DRD1: variants seen among roughly 807,000 people sequenced by gnomAD.
DRD1 encodes the protein D(1A) dopamine receptor.
A neutral mutation model predicts 23.8 loss-of-function variants in DRD1; 2 were observed. That is an observed-to-expected ratio of 0.08 (90% CI 0.03 to 0.26). The LOEUF (loss-of-function observed/expected upper bound fraction) is 0.26. Among genes scored for constraint, DRD1 ranks in the 10% least tolerant of loss-of-function variants. The pLI is 1.00. For synonymous variants in DRD1, 218 were observed against 225.7 expected, an observed-to-expected ratio of 0.97 and a Z score of 0.30; for missense variants, 376 against 559.0, an observed-to-expected ratio of 0.67 and a Z score of 3.30.
chr5:175,443,987 G>A lies in DRD1; in HGVS notation c.-772C>T, dbSNP rs189073284. 50 of 152,580 alleles carry A rather than the reference G, an allele frequency of 3.3e-4. No individual in the cohort carries two copies. Among genetic ancestry groups the A allele is most frequent in the African/African-American group, 1.2e-3 (49 of 41,596 alleles). The allele number at this position is 152,580 out of a possible 1,614,324, so 9.5% of individuals were successfully genotyped here. The stretch of plus-strand genomic sequence containing the variant: ...GGGCGCTCGGAGCTTCCTTGGGAGA[G>A]AGCACTCCCAGGACTGGTCACCTGG... On this transcript the variant is annotated 5_prime_UTR_variant, in exon 1 of 2. Transcript: ENST00000393752.
In DRD1 at chr5:175,441,632, G is replaced by T; in HGVS notation, c.*127C>A. The stretch of plus-strand genomic sequence containing the variant: ...TTGGAAACGGAGTTAATTGTGTGTT[G>T]GAAAGCAGCAGAGGGCTCTCCTGAC... On this transcript the variant is annotated 3_prime_UTR_variant, in exon 2 of 2. Coordinates refer to ENST00000393752, the MANE Select transcript of DRD1 (RefSeq NM_000794.5). The T allele has an allele frequency of 8.3e-7, 1 of 1,204,896 alleles. No individual in the cohort carries two copies. Among genetic ancestry groups the T allele is most frequent in the Non-Finnish European group, 1.1e-6 (1 of 873,376 alleles). The allele number at this position is 1,204,896 out of a possible 1,614,324, so 74.6% of individuals were successfully genotyped here.
Position 175,443,380 on chromosome 5 carries a change from A to C in DRD1, c.-281T>G, listed in dbSNP as rs938420509. On this transcript the variant is annotated 5_prime_UTR_variant, in exon 2 of 2. In the 5' UTR this introduces an upstream ATG that the reference lacks. Transcript: ENST00000393752. ...CACCAGAAAGCCCCTGAATTCCCCAAATAAAGCACTGGCTTTTTAGCATAT... is the reference window on the plus strand; with the variant it reads ...CACCAGAAAGCCCCTGAATTCCCCACATAAAGCACTGGCTTTTTAGCATAT... The C allele has an allele frequency of 4.2e-6, 2 of 481,734 alleles. No individual in the cohort carries two copies. Among genetic ancestry groups the C allele is most frequent in the African/African-American group, 3.9e-5 (2 of 51,828 alleles). The allele number at this position is 481,734 out of a possible 1,614,324, so 29.8% of individuals were successfully genotyped here.
rs1758571157 is a variant in DRD1 at position 175,444,029 on chromosome 5, G to C, written c.-814C>G. 6.6e-6 allele frequency: 1 copy of C among 152,488 alleles called. No individual in the cohort carries two copies. The highest frequency in any genetic ancestry group is 6.5e-5 in the Admixed American group (1 of 15,290). 9.4% of individuals were successfully genotyped at this position (152,488 alleles called of 1,614,324 possible). A position where few individuals can be genotyped will look rare whatever the true frequency, so the allele number is the denominator to read the frequency against. ...GTCACCTGGGCAGCTTCTTTTCTTG[G>C]CTTCCTTTCGAGAGCCCAGAGCCTT... On this transcript the variant is annotated 5_prime_UTR_variant, in exon 1 of 2. Transcript: ENST00000393752.
chr5:175,441,580 C>G lies in DRD1; in HGVS notation c.*179G>C. ...GTGTCCCTGTTTGATTGACTATGAA[C>G]AACACAGAAAATACACTGGAATGTA... On this transcript the variant is annotated 3_prime_UTR_variant, in exon 2 of 2. Coordinates refer to ENST00000393752, the MANE Select transcript of DRD1 (RefSeq NM_000794.5). 2 of 736,412 alleles carry G rather than the reference C, an allele frequency of 2.7e-6. No homozygotes were observed. Among genetic ancestry groups the G allele is most frequent in the Non-Finnish European group, 4.2e-6 (2 of 477,592 alleles). The allele number at this position is 736,412 out of a possible 1,614,324, so 45.6% of individuals were successfully genotyped here.
chr5:175,442,475 T>C lies in DRD1; in HGVS notation c.625A>G (p.Ile209Val). The C allele has an allele frequency of 6.2e-7, 1 of 1,614,208 alleles. No homozygotes were observed. Among genetic ancestry groups the C allele is most frequent in the Non-Finnish European group, 8.5e-7 (1 of 1,180,050 alleles). ...ATCCTGGTGTAGGTGACAATCATGA[T>C]GGCCACAGGGATGTAAAAGCTTATT... ...SVISFYIPVAIMIVTYTRIYR... is the reference protein window; with the variant it reads ...SVISFYIPVAVMIVTYTRIYR... The change falls in exon 2 of 2, where the codon ATC becomes GTC. Residue 209 changes from isoleucine (I) to valine (V), a missense_variant. Physicochemically the swap from Ile to Val is conservative, Grantham distance 29. This residue lies in a region of DRD1 where 121 missense variants were observed against 239.4 expected (regional missense o/e 0.51). Transcript: ENST00000393752. This position sits in a 1 kb window ranked among gnomAD's most constrained non-coding sequence, Gnocchi z 7.3.
At position 175,443,314 on chromosome 5, in the gene DRD1, ATC is replaced by A. The variant is rs1758558410; in HGVS notation, c.-217_-216del. On this transcript the variant is annotated 5_prime_UTR_variant, in exon 2 of 2. The change creates a new upstream start codon in the 5' untranslated region. Transcript: ENST00000393752. Reference sequence around the variant, plus strand: ...GTGGATGGTCACTCTTGATTTCTACATCTGTCTTCTGACTCCCTTGCTGCAGG... The same window carrying A: ...GTGGATGGTCACTCTTGATTTCTACATGTCTTCTGACTCCCTTGCTGCAGG... The A allele has an allele frequency of 3.2e-6, 2 of 623,964 alleles. No individual in the cohort carries two copies. The highest frequency in any genetic ancestry group is 2.3e-5 in the South Asian group (1 of 44,166). 38.7% of individuals were successfully genotyped at this position (623,964 alleles called of 1,614,324 possible).
chr5:175,441,211 C>G lies in DRD1; in HGVS notation c.*548G>C, dbSNP rs935872693. The G allele has an allele frequency of 6.6e-6, 1 of 151,688 alleles. No homozygotes were observed. The highest frequency in any genetic ancestry group is 2.4e-5 in the African/African-American group (1 of 41,308). The allele number at this position is 151,688 out of a possible 1,614,324, so 9.4% of individuals were successfully genotyped here. A position where few individuals can be genotyped will look rare whatever the true frequency, so the allele number is the denominator to read the frequency against. Reference sequence around the variant, plus strand: ...TTATTATATCATAAATTAAAAATATCCATATATACAATAAATAAATAGAAC... The same window carrying G: ...TTATTATATCATAAATTAAAAATATGCATATATACAATAAATAAATAGAAC... On this transcript the variant is annotated 3_prime_UTR_variant, in exon 2 of 2. Coordinates refer to ENST00000393752, the MANE Select transcript of DRD1 (RefSeq NM_000794.5).
In DRD1 at chr5:175,443,888, G is replaced by A. The variant is rs1194369953; in HGVS notation, c.-673C>T. 1 of 153,362 alleles carries A rather than the reference G, an allele frequency of 6.5e-6. No individual in the cohort carries two copies. The highest frequency in any genetic ancestry group is 6.5e-5 in the Admixed American group (1 of 15,302). The allele number at this position is 153,362 out of a possible 1,614,324, so 9.5% of individuals were successfully genotyped here. A position where few individuals can be genotyped will look rare whatever the true frequency, so the allele number is the denominator to read the frequency against. ...AAGGATCCCAGGCCAGGTCCCAAGA[G>A]AGGCGGCGGCAGCCCACTTCCTTGA... is the stretch of plus-strand genomic sequence containing the variant. On this transcript the variant is annotated 5_prime_UTR_variant, in exon 1 of 2. Transcript: ENST00000393752.
In DRD1 at chr5:175,442,820, A is replaced by G. The variant is rs1290223591; in HGVS notation, c.280T>C (p.Ser94Pro). Reference sequence around the variant, plus strand: ...AAGGCCACCCAGATGTTACAGAAGGACCCAAAGGGCCAGAAGCCAGCAATC... The same window carrying G: ...AAGGCCACCCAGATGTTACAGAAGGGCCCAAAGGGCCAGAAGCCAGCAATC... The part of the protein sequence containing the change: ...AEIAGFWPFG[S>P]FCNIWVAFDI... Residue 94 changes from serine to proline, a missense_variant, in exon 2 of 2, where the codon TCC (serine) becomes CCC (proline). By Grantham distance (74) the Ser-to-Pro change is moderately conservative. Coordinates refer to ENST00000393752, the MANE Select transcript of DRD1 (RefSeq NM_000794.5). The surrounding 1 kb of genome is among the most constrained non-coding windows in gnomAD (Gnocchi z 7.3). The G allele has an allele frequency of 6.2e-7, 1 of 1,614,098 alleles. No individual in the cohort carries two copies. The highest frequency in any genetic ancestry group is 8.5e-7 in the Non-Finnish European group (1 of 1,180,012).
rs1758548634 is a variant in DRD1, at chr5:175,442,926, C to T, written c.174G>A (p.Val58=). The change falls in exon 2 of 2, where the codon GTG becomes GTA. Residue 58 remains valine (V), a synonymous_variant. Transcript: ENST00000393752. The surrounding 1 kb of genome is among the most constrained non-coding windows in gnomAD (Gnocchi z 7.3). ...CCAAGGAGATGACAAAGAAGTTGGT[C>T]ACCTTGGACCGCAGGTGTCGGAACC... The part of the protein sequence containing the change: ...VIRFRHLRSK[V]TNFFVISLAV... 1.2e-6 allele frequency: 2 copies of T among 1,613,882 alleles called. No homozygotes were observed. The highest frequency in any genetic ancestry group is 1.1e-5 in the South Asian group (1 of 91,040).
In DRD1 at chr5:175,443,154, G is replaced by A; in HGVS notation, c.-55C>T. 2.6e-6 allele frequency: 4 copies of A among 1,562,072 alleles called. No homozygotes were observed. The South Asian group carries it at 3.7e-5, about 14-fold the overall frequency. On this transcript the variant is annotated 5_prime_UTR_variant, in exon 2 of 2. Coordinates refer to ENST00000393752, the MANE Select transcript of DRD1 (RefSeq NM_000794.5). ...TGACACCCCTCAAGTTCCCAAGCAG[G>A]GAATAGGGGTCAGTCAGATTTCCAG...
rs182759154 is a variant in DRD1 at position 175,441,763 on chromosome 5, G to T, written c.1337C>A (p.Thr446Asn). Residue 446 changes from threonine to asparagine, a missense_variant, in exon 2 of 2, where the codon ACC becomes AAC. Thr to Asn is a moderately conservative substitution (Grantham distance 65, BLOSUM62 0). This residue lies in a region of DRD1 where 117 missense variants were observed against 126.9 expected (regional missense o/e 0.92). Coordinates refer to ENST00000393752, the MANE Select transcript of DRD1 (RefSeq NM_000794.5). ...TGGCAGGATTCATCTGCGAGTTCAG[G>T]TTGGGTGCTGACCGTTTTGTGTGAT... ...QPITQNGQHP[T>N] The T allele has an allele frequency of 3.2e-6, 5 of 1,571,140 alleles. No homozygotes were observed. The highest frequency in any genetic ancestry group is 3.5e-6 in the Non-Finnish European group (4 of 1,157,228).
rs552619913 is a variant in DRD1, at chr5:175,443,916, A to T, written c.-701T>A. 6.5e-6 allele frequency: 1 copy of T among 152,876 alleles called. No individual in the cohort carries two copies. Among genetic ancestry groups the T allele is most frequent in the Non-Finnish European group, 1.5e-5 (1 of 68,508 alleles). 9.5% of individuals were successfully genotyped at this position (152,876 alleles called of 1,614,324 possible). On this transcript the variant is annotated 5_prime_UTR_variant, in exon 1 of 2. Transcript: ENST00000393752. The stretch of plus-strand genomic sequence containing the variant: ...GCGGCGGCAGCCCACTTCCTTGAAG[A>T]GCTGGAGATTGTTCAAAGGGCACTA...
rs746864254 is a variant in DRD1 at position 175,441,986 on chromosome 5, A to G, written c.1114T>C (p.Ser372Pro). ...GAGCCTCGTGGCTCATGATGGCTGG[A>G]AAACATCGCGGCCCCATTGTTATTG... is the stretch of plus-strand genomic sequence containing the variant. ...SINNNGAAMF[S>P]SHHEPRGSIS... The change falls in exon 2 of 2, where the codon TCC (serine) becomes CCC (proline). Residue 372 changes from serine (S) to proline (P), a missense_variant. Around this residue, in one of 5 missense-constraint regions of DRD1, gnomAD observed 117 missense variants for 126.9 expected, o/e 0.92. Transcript: ENST00000393752. 1.2e-6 allele frequency: 2 copies of G among 1,614,172 alleles called. No individual in the cohort carries two copies. The highest frequency in any genetic ancestry group is 1.7e-6 in the Non-Finnish European group (2 of 1,180,026).
rs747143134 is a variant in DRD1, at chr5:175,442,418, T to C, written c.682A>G (p.Ile228Val). Residue 228 changes from isoleucine (I) to valine (V), a missense_variant, in exon 2 of 2, where the codon ATT (isoleucine) becomes GTT (valine). This residue lies in a region of DRD1 where 44 missense variants were observed against 46.7 expected (regional missense o/e 0.94). Coordinates refer to ENST00000393752, the MANE Select transcript of DRD1 (RefSeq NM_000794.5). This position sits in a 1 kb window ranked among gnomAD's most constrained non-coding sequence, Gnocchi z 7.3. Reference sequence around the variant, plus strand: ...ACTGCTGCCCTCTCCAAGGCCGCAATGCGCCGTATTTGTTTCTGAGCAATC... The same window carrying C: ...ACTGCTGCCCTCTCCAAGGCCGCAACGCGCCGTATTTGTTTCTGAGCAATC... Reference protein sequence around the residue: ...YRIAQKQIRRIAALERAAVHA... With the variant: ...YRIAQKQIRRVAALERAAVHA... 6.2e-7 allele frequency: 1 copy of C among 1,614,202 alleles called. No individual in the cohort carries two copies. The highest frequency in any genetic ancestry group is 1.1e-5 in the South Asian group (1 of 91,084).
Position 175,441,275 on chromosome 5 carries a change from T to C in DRD1, c.*484A>G, listed in dbSNP as rs1758514538. 1.3e-5 allele frequency: 2 copies of C among 152,584 alleles called. 1 individual carries two copies. The highest frequency in any genetic ancestry group is 2.9e-5 in the Non-Finnish European group (2 of 68,078). The allele number at this position is 152,584 out of a possible 1,614,324, so 9.5% of individuals were successfully genotyped here. A position where few individuals can be genotyped will look rare whatever the true frequency, so the allele number is the denominator to read the frequency against. On this transcript the variant is annotated 3_prime_UTR_variant, in exon 2 of 2. Coordinates refer to ENST00000393752, the MANE Select transcript of DRD1 (RefSeq NM_000794.5). ...ACATCTCTCAATTCTGGAAAAAAATTTCTCACTCCTACTGTAAGCCTCAAT... is the reference window on the plus strand; with the variant it reads ...ACATCTCTCAATTCTGGAAAAAAATCTCTCACTCCTACTGTAAGCCTCAAT...
Position 175,441,628 on chromosome 5 carries a change from T to C in DRD1, c.*131A>G. The C allele has an allele frequency of 8.8e-7, 1 of 1,139,444 alleles. No homozygotes were observed. 70.6% of individuals were successfully genotyped at this position (1,139,444 alleles called of 1,614,324 possible). A position where few individuals can be genotyped will look rare whatever the true frequency, so the allele number is the denominator to read the frequency against. ...GTATTTGGAAACGGAGTTAATTGTGTGTTGGAAAGCAGCAGAGGGCTCTCC... is the reference window on the plus strand; with the variant it reads ...GTATTTGGAAACGGAGTTAATTGTGCGTTGGAAAGCAGCAGAGGGCTCTCC... On this transcript the variant is annotated 3_prime_UTR_variant, in exon 2 of 2. Transcript: ENST00000393752.
Position 175,442,040 on chromosome 5 carries a change from T to C in DRD1, c.1060A>G (p.Thr354Ala). 2 of 1,614,132 alleles carry C rather than the reference T, an allele frequency of 1.2e-6. No individual in the cohort carries two copies. The highest frequency in any genetic ancestry group is 3.3e-4 in the Middle Eastern group (2 of 6,062). The part of the protein sequence containing the change: ...LLGCYRLCPA[T>A]NNAIETVSIN... Reference sequence around the variant, plus strand: ...CTCACCGTCTCTATGGCATTATTCGTCGCAGGGCAAAGTCTGTAGCATCCT... The same window carrying C: ...CTCACCGTCTCTATGGCATTATTCGCCGCAGGGCAAAGTCTGTAGCATCCT... Residue 354 changes from threonine (T) to alanine (A), a missense_variant, in exon 2 of 2, where the codon ACG becomes GCG. By Grantham distance (58) the Thr-to-Ala change is moderately conservative. This residue lies in a region of DRD1 where 117 missense variants were observed against 126.9 expected (regional missense o/e 0.92). Transcript: ENST00000393752. This position sits in a 1 kb window ranked among gnomAD's most constrained non-coding sequence, Gnocchi z 7.3.
Position 175,443,132 on chromosome 5 carries a change from C to A in DRD1, c.-33G>T. On this transcript the variant is annotated 5_prime_UTR_variant, in exon 2 of 2. Coordinates refer to ENST00000393752, the MANE Select transcript of DRD1 (RefSeq NM_000794.5). Reference sequence around the variant, plus strand: ...AGAGAAAGCACATCAGGGGCTCTGACACCCCTCAAGTTCCCAAGCAGGGAA... The same window carrying A: ...AGAGAAAGCACATCAGGGGCTCTGAAACCCCTCAAGTTCCCAAGCAGGGAA... 2 of 1,595,484 alleles carry A rather than the reference C, an allele frequency of 1.3e-6. No individual in the cohort carries two copies. The highest frequency in any genetic ancestry group is 1.1e-5 in the South Asian group (1 of 87,754).
Sources: allele counts gnomAD v4.1 joint callset, GRCh38; gene constraint gnomAD v4.1.1; regional missense constraint gnomAD v4.1.1; non-coding constraint Gnocchi (gnomAD v3.1); transcripts MANE v1.5; gene names NCBI Gene and HGNC (gene_info 2026-07-23, HGNC 2026-07-21).